The following TANC2 variants were observed in gnomAD, a reference collection of about 807,000 sequenced individuals.
The protein encoded by TANC2 is protein TANC2.
A neutral mutation model predicts 210.5 loss-of-function variants in TANC2; 26 were observed. The ratio of observed to expected loss-of-function variants is 0.12; its 90% CI spans 0.09 to 0.17. The LOEUF (loss-of-function observed/expected upper bound fraction) is 0.17, where lower values mean the gene tolerates loss of function less well. Ranked by LOEUF, TANC2 falls within the 10% of genes least tolerant of loss-of-function variation. The pLI is 1.00. For synonymous variants in TANC2, 931 were observed against 967.1 expected (o/e 0.96, Z 0.69); for missense variants, 2,129 against 2,608.9 (o/e 0.82, Z 4.01).
At chr17:63,281,804 A>G (rs1481301918) in intron 9 of TANC2, among the ~76,000 whole-genome samples, 2 of 152,246 alleles carry the variant, frequency 1.3e-5, no homozygotes, top group East Asian at 3.9e-4. Flanking sequence ...GAGAAGTCAC[A>G]CAGAAGTACA....
At chr17:63,402,571 T>G (rs1599043424) in intron 19 of TANC2, among the ~76,000 whole-genome samples, 1 of 152,224 alleles carries the variant, frequency 6.6e-6, no homozygotes, top group African/African-American at 2.4e-5. Context: ...CATGTGTATC[T>G]CTGCGTTCTC....
At chr17:63,222,755 A>G (rs1047559030) in intron 7 of TANC2, among the ~76,000 whole-genome samples, 1 of 152,010 alleles carries the variant, frequency 6.6e-6, no homozygotes, top group Non-Finnish European at 1.5e-5. Context: ...ACACATACAC[A>G]CTAGCATGAC....
intron 12 of TANC2, among the ~76,000 whole-genome samples, chr17:63,340,815 C>G (rs2046204363): frequency 6.6e-6 from 1 of 152,164 alleles, no homozygotes; most frequent in South Asian, 2.1e-4. Flanking sequence ...ACTTTAAAAT[C>G]TACTTAAGGG....
chr17:63,373,799 G>A (rs1178614274), intron 14 of TANC2, among the ~76,000 whole-genome samples: 3 of 152,066 alleles, frequency 2.0e-5, no homozygotes, highest in Admixed American at 2.0e-4. Context: ...TGGCCAACAT[G>A]GTAAAACCCC....
At chr17:63,382,564 TC>T (rs1223622735) in intron 15 of TANC2, among the ~76,000 whole-genome samples, 1 of 152,254 alleles carries the variant, frequency 6.6e-6, no homozygotes, top group Non-Finnish European at 1.5e-5. Flanking sequence ...TCAAATATTA[TC>T]TACCAGATTT....
chr17:63,309,139 C>T (rs1251551393), intron 9 of TANC2, among the ~76,000 whole-genome samples: 1 of 151,988 alleles, frequency 6.6e-6, no homozygotes, highest in African/African-American at 2.4e-5. Context: ...ATCACCTTTA[C>T]TAACACCATA....
intron 2 of TANC2, among the ~76,000 whole-genome samples, chr17:63,056,937 C>CT (rs2035827589): frequency 6.6e-6 from 1 of 150,756 alleles, no homozygotes; most frequent in Admixed American, 6.6e-5. Context: ...GGGGAAATGT[C>CT]TATGTTTTAT....
intron 1 of TANC2, chr17:63,004,665 C>T (rs1375430621): frequency 1.5e-5 from 4 of 273,378 alleles, no homozygotes; most frequent in South Asian, 4.9e-5. Context: ...TATTTCAAAC[C>T]GTACAGTCAC....
In TANC2 at chr17:63,380,428, A is replaced by G. The variant is rs539122381; in HGVS notation, c.2691+602A>G. Among the ~76,000 whole-genome samples the G allele has an allele frequency of 2.0e-5, 3 of 152,376 alleles. No individual in the cohort carries two copies. In the South Asian group the frequency reaches 6.2e-4, roughly 32 times the overall value. On this transcript the variant is annotated intron_variant, in intron 15 of 27. Transcript: ENST00000689528. ...ACATAATTTGTTTGTGCATGTATGC[A>G]TTCATTTGTTTATTCATCACTTACT...
chr17:63,188,898 C>G (rs1438041473), intron 5 of TANC2, among the ~76,000 whole-genome samples: 2 of 151,650 alleles, frequency 1.3e-5, no homozygotes, highest in Non-Finnish European at 2.9e-5. Context: ...TTTATCACCC[C>G]CCCCCAAAAA....
intron 11 of TANC2, among the ~76,000 whole-genome samples, chr17:63,333,012 A>G (rs2045911014): frequency 6.6e-6 from 1 of 152,240 alleles, no homozygotes; most frequent in Admixed American, 6.5e-5. Flanking sequence ...CATGGACAAT[A>G]CATCTAGTCA....
intron 2 of TANC2, among the ~76,000 whole-genome samples, chr17:63,011,690 T>C (rs1406377433): frequency 6.6e-6 from 1 of 152,192 alleles, no homozygotes; most frequent in East Asian, 1.9e-4. Flanking sequence ...TTATTTCTAA[T>C]AATGTCTTTT....
chr17:63,160,422 T>C (rs183976989), intron 5 of TANC2, among the ~76,000 whole-genome samples: 86 of 152,326 alleles, frequency 5.6e-4, no homozygotes, highest in African/African-American at 2.0e-3. Context: ...ATATTGTATA[T>C]ATCATGTTTT....
chr17:63,057,717 A>T (rs1168694509), intron 2 of TANC2, among the ~76,000 whole-genome samples: 1 of 152,194 alleles, frequency 6.6e-6, no homozygotes, highest in Non-Finnish European at 1.5e-5. Flanking sequence ...GTTTGCTAAG[A>T]ATAATGGCCT....
At chr17:63,056,886 TA>T in intron 2 of TANC2, among the ~76,000 whole-genome samples, 1 of 152,368 alleles carries the variant, frequency 6.6e-6, no homozygotes, top group East Asian at 1.9e-4. Context: ...GTTTTGTATT[TA>T]TTTTTTCCCT....
chr17:63,389,011 C>G (rs1054276197), intron 16 of TANC2, among the ~76,000 whole-genome samples: 2 of 152,146 alleles, frequency 1.3e-5, no homozygotes, highest in Admixed American at 1.3e-4. Context: ...GTAAATTGAT[C>G]TCAGGTAGCC....
At chr17:63,239,958 A>G (rs962533388) in intron 8 of TANC2, among the ~76,000 whole-genome samples, 23 of 152,088 alleles carry the variant, frequency 1.5e-4, no homozygotes, top group African/African-American at 5.6e-4. Context: ...TAAATGACCC[A>G]TTCTCTGGAG....
At chr17:63,405,346 GTTTGGGT>G in intron 20 of TANC2, 91 bp downstream of exon 20, 1 of 1,399,768 alleles carries the variant, frequency 7.1e-7, no homozygotes, top group East Asian at 2.5e-5. Context: ...CACAAGTAAA[GTTTGGGT>G]TACCCAGCAG....
chr17:63,367,955 T>C (rs1035315458), intron 14 of TANC2, among the ~76,000 whole-genome samples: 2 of 152,146 alleles, frequency 1.3e-5, no homozygotes, highest in Non-Finnish European at 2.9e-5. Context: ...ACAAGTGATG[T>C]ATGGAAGATG....
Sources: gnomAD v4.1 joint callset for allele counts (sites outside exome capture counted in the v4.1 genomes callset) on GRCh38, gnomAD v4.1.1 for gene constraint, MANE v1.5 for transcripts, NCBI Gene and HGNC (gene_info 2026-07-23, HGNC 2026-07-21) for gene names.